The following NR2F1-AS1 variants were observed in gnomAD, a reference collection of about 807,000 sequenced individuals.
NR2F1-AS1 encodes the protein NR2F1 antisense RNA 1.
At chr5:93,456,863 C>T (rs1310584249) in intron 4 of NR2F1-AS1, among the ~76,000 whole-genome samples, 1 of 151,916 alleles carries the variant, frequency 6.6e-6, no homozygotes, top group East Asian at 1.9e-4. Context: ...AGCAGGAAAA[C>T]GTGAACAAAC....
intron 4 of NR2F1-AS1, among the ~76,000 whole-genome samples, chr5:93,494,294 C>T (rs1375261158): frequency 6.6e-6 from 1 of 151,994 alleles, no homozygotes; most frequent in South Asian, 2.1e-4. Flanking sequence ...GAATGAGATG[C>T]CATTTCACAC....
At chr5:93,508,996 C>T (rs1258133402) in intron 4 of NR2F1-AS1, among the ~76,000 whole-genome samples, 1 of 152,110 alleles carries the variant, frequency 6.6e-6, no homozygotes, top group Non-Finnish European at 1.5e-5. Context: ...AACAAGCACA[C>T]ACCCTAAAGA....
intron 4 of NR2F1-AS1, among the ~76,000 whole-genome samples, chr5:93,553,258 T>A (rs891849049): frequency 6.6e-6 from 1 of 151,686 alleles, no homozygotes; most frequent in East Asian, 1.9e-4. Flanking sequence ...GCTTCCCAAG[T>A]GAAGTGTTTT....
At chr5:93,546,532 A>G (rs939187024) in intron 4 of NR2F1-AS1, among the ~76,000 whole-genome samples, 1 of 152,180 alleles carries the variant, frequency 6.6e-6, no homozygotes, top group African/African-American at 2.4e-5. Flanking sequence ...ATCAACTCTA[A>G]TCAGTAAACT....
At chr5:93,570,405 G>A (rs981769059) in intron 1 of NR2F1-AS1, 2 of 152,552 alleles carry the variant, frequency 1.3e-5, no homozygotes, top group Non-Finnish European at 2.9e-5. Context: ...GCCAGCGGCG[G>A]GGGAGGAAAG....
chr5:93,558,418 T>G (rs1358658444), intron 2 of NR2F1-AS1, among the ~76,000 whole-genome samples: 1 of 151,786 alleles, frequency 6.6e-6, no homozygotes, highest in Non-Finnish European at 1.5e-5. Flanking sequence ...CCCCCTGGGT[T>G]CAAGCAATTC....
intron 1 of NR2F1-AS1, among the ~76,000 whole-genome samples, chr5:93,568,072 A>G (rs907382765): frequency 6.6e-6 from 1 of 152,216 alleles, no homozygotes; most frequent in African/African-American, 2.4e-5. Flanking sequence ...CTTCACACAT[A>G]AAATGTAACC....
chr5:93,497,864 A>G (rs1750997337), intron 4 of NR2F1-AS1, among the ~76,000 whole-genome samples: 2 of 152,230 alleles, frequency 1.3e-5, no homozygotes, highest in South Asian at 4.1e-4. Flanking sequence ...CTAGAACTGC[A>G]TGAATTCATC....
chr5:93,436,174 T>C (rs141522082), intron 4 of NR2F1-AS1, among the ~76,000 whole-genome samples: 73 of 152,334 alleles, frequency 4.8e-4, no homozygotes, highest in African/African-American at 1.7e-3. Context: ...CACTCACCAT[T>C]TGCTTTTCCC....
In NR2F1-AS1 at chr5:93,442,876, G is replaced by A. The variant is rs188130634; in HGVS notation, n.639-47334C>T. On this transcript the variant is annotated intron_variant and non_coding_transcript_variant, in intron 4 of 5. Transcript: ENST00000660523. Reference sequence around the variant, plus strand: ...GAAGGATCAGGCAGCAACATTTGCCGTTTTGCAATATTTGCTGCTCTGCAG... The same window carrying A: ...GAAGGATCAGGCAGCAACATTTGCCATTTTGCAATATTTGCTGCTCTGCAG... 4.8e-3 allele frequency among the ~76,000 whole-genome samples: 732 copies of A among 152,318 alleles called. 4 individuals carry two copies. The highest frequency in any genetic ancestry group is 8.0e-3 in the Non-Finnish European group (544 of 68,030).
At chr5:93,504,904 A>G (rs976195569) in intron 4 of NR2F1-AS1, among the ~76,000 whole-genome samples, 1 of 152,112 alleles carries the variant, frequency 6.6e-6, no homozygotes, top group Non-Finnish European at 1.5e-5. Flanking sequence ...TCATGTTCTT[A>G]CATCTCAAAA....
rs982088699 is a variant in NR2F1-AS1 at position 93,513,719 on chromosome 5, G to A, written n.638+40042C>T. On this transcript the variant is annotated intron_variant and non_coding_transcript_variant, in intron 4 of 5. Transcript: ENST00000660523. ...CTACTGGGTACTATGCTCATTACCC[G>A]GTTGACAGGATCAATCACATCCCAA... 4.7e-4 allele frequency among the ~76,000 whole-genome samples: 71 copies of A among 152,038 alleles called. 1 individual carries two copies. The highest frequency in any genetic ancestry group is 4.7e-3 in the Admixed American group (71 of 15,248).
intron 4 of NR2F1-AS1, among the ~76,000 whole-genome samples, chr5:93,457,703 C>A (rs1453092768): frequency 6.6e-6 from 1 of 152,140 alleles, no homozygotes; most frequent in East Asian, 1.9e-4. Flanking sequence ...AAGCTGCAAA[C>A]AGCATGTTCT....
At chr5:93,477,218 T>C (rs2149873265) in intron 4 of NR2F1-AS1, among the ~76,000 whole-genome samples, 1 of 152,298 alleles carries the variant, frequency 6.6e-6, no homozygotes, top group East Asian at 1.9e-4. Flanking sequence ...TATTCAAATG[T>C]ACATTACCAA....
intron 4 of NR2F1-AS1, among the ~76,000 whole-genome samples, chr5:93,421,519 C>T (rs1346647668): frequency 2.6e-5 from 4 of 152,186 alleles, no homozygotes; most frequent in Admixed American, 6.5e-5. Flanking sequence ...CAGTTTTTGA[C>T]GTCATCCAGG....
At chr5:93,430,515 A>G (rs116361556) in intron 4 of NR2F1-AS1, among the ~76,000 whole-genome samples, 2,192 of 152,294 alleles carry the variant, frequency 0.014, 60 homozygotes, top group African/African-American at 0.05. Flanking sequence ...GTGAATGTGT[A>G]TGTCGATATA....
intron 4 of NR2F1-AS1, among the ~76,000 whole-genome samples, chr5:93,500,430 G>T (rs936761082): frequency 3.3e-5 from 5 of 151,684 alleles, no homozygotes; most frequent in Non-Finnish European, 7.4e-5. Context: ...ATGTTTTACT[G>T]AATATTTTAA....
upstream of NR2F1-AS1, among the ~76,000 whole-genome samples, chr5:93,581,668 GTCTCTCTCTCTCTCTCTCTCTCTCTC>G (rs1232503527): frequency 9.3e-5 from 3 of 32,104 alleles, no homozygotes; most frequent in Non-Finnish European, 2.0e-4. Context: ...CGGGGTCTCG[GTCTCTCTCTCTCTCTCTCTCTCTCTC>G]TCTCTCTCTC....
At chr5:93,476,709 T>C (rs1750492629) in intron 4 of NR2F1-AS1, among the ~76,000 whole-genome samples, 1 of 152,200 alleles carries the variant, frequency 6.6e-6, no homozygotes, top group African/African-American at 2.4e-5. Flanking sequence ...ATCTCATTAT[T>C]ACTTCACACG....
Sources: allele counts gnomAD v4.1 joint callset (sites outside exome capture counted in the v4.1 genomes callset), GRCh38; gene constraint gnomAD v4.1.1; transcripts MANE v1.5; gene names NCBI Gene and HGNC (gene_info 2026-07-23, HGNC 2026-07-21).